MCM8: variants seen among roughly 807,000 people sequenced by gnomAD.
MCM8 encodes the protein minichromosome maintenance 8 homologous recombination repair factor.
In MCM8, 85 loss-of-function variants were observed where a neutral mutation model predicts 98.9. The observed-to-expected ratio is 0.86, with a 90% CI of 0.72 to 1.03. The LOEUF is 1.03. MCM8 is among the 50% of genes least tolerant of loss of function. The probability of loss-of-function intolerance (pLI) is 0.00; values close to 1 mark genes in which losing one functional copy is unlikely to be tolerated. For missense variants in MCM8, 951 were observed against 997.8 expected, an observed-to-expected ratio of 0.95 and a Z score of 0.63; for synonymous variants, 352 against 338.6, an observed-to-expected ratio of 1.04 and a Z score of -0.44.
intron 12 of MCM8, among the ~76,000 whole-genome samples, chr20:5,973,716 A>G (rs2089452289): frequency 6.6e-6 from 1 of 151,396 alleles, no homozygotes; most frequent in African/African-American, 2.5e-5. Flanking sequence ...GTGCAGTGGC[A>G]TGATCTGGGC....
intron 13 of MCM8, among the ~76,000 whole-genome samples, chr20:5,978,843 C>T (rs967597197): frequency 5.3e-5 from 8 of 152,218 alleles, no homozygotes; most frequent in Admixed American, 5.2e-4. Flanking sequence ...AGGCTACAGG[C>T]GTGAGCCACC....
chr20:5,993,394 T>G, intron 17 of MCM8, 112 bp from the exon 18 acceptor site: 1 of 679,410 alleles, frequency 1.5e-6, no homozygotes, highest in Non-Finnish European at 2.3e-6. Flanking sequence ...AAATGTTTGC[T>G]AAGTGAGCCT....
In MCM8 at chr20:5,958,682, C is replaced by T; in HGVS notation, c.745C>T (p.Gln249Ter). Residue 249 changes from glutamine to a stop codon, truncating the protein, a stop_gained, in exon 7 of 19, where the codon CAG (glutamine) becomes TAG (stop). Coordinates refer to ENST00000610722, the MANE Select transcript of MCM8 (RefSeq NM_032485.6). LOFTEE classifies it high-confidence loss of function. ...AFLCAACGEIQSFPLPDGKYS... is the reference protein window; with the variant it reads ...AFLCAACGEI ...TCTTTGTGCTGCATGTGGAGAAATT[C>T]AGAGCTTTCCTCTTCCAGATGGAAA... 6.2e-7 allele frequency: 1 copy of T among 1,614,130 alleles called. No homozygotes were observed. The highest frequency in any genetic ancestry group is 8.5e-7 in the Non-Finnish European group (1 of 1,180,002).
chr20:5,972,193 C>CTT (rs57845201), intron 11 of MCM8, among the ~76,000 whole-genome samples, 156 bp downstream of exon 11: 1 of 144,334 alleles, frequency 6.9e-6, no homozygotes, highest in Non-Finnish European at 1.5e-5. Context: ...CAAACTATAG[C>CTT]TTTTTTTTTT....
At chr20:5,960,065 A>G (rs569271394) in intron 7 of MCM8, among the ~76,000 whole-genome samples, 19 of 152,186 alleles carry the variant, frequency 1.2e-4, no homozygotes, top group Non-Finnish European at 2.4e-4. Flanking sequence ...AGTGTTAAGT[A>G]GTTACCATTT....
At chr20:5,989,754 G>A (rs1013260826) in intron 17 of MCM8, among the ~76,000 whole-genome samples, 2 of 152,016 alleles carry the variant, frequency 1.3e-5, no homozygotes, top group Admixed American at 6.5e-5. Context: ...GGGTAGAAGG[G>A]CACCCATGTC....
intron 11 of MCM8, chr20:5,972,541 A>G: frequency 3.1e-6 from 1 of 323,828 alleles, no homozygotes; most frequent in Non-Finnish European, 6.0e-6. Context: ...AGTAAATATG[A>G]ATGGGCTTTT....
At chr20:5,992,797 T>G (rs985477449) in intron 17 of MCM8, among the ~76,000 whole-genome samples, 13 of 152,216 alleles carry the variant, frequency 8.5e-5, no homozygotes, top group Non-Finnish European at 1.9e-4. Flanking sequence ...ACTAATTAAT[T>G]AATTCCTGAT....
chr20:5,953,137 A>G (rs1006918398), intron 3 of MCM8, among the ~76,000 whole-genome samples: 1 of 152,244 alleles, frequency 6.6e-6, no homozygotes, highest in Admixed American at 6.5e-5. Flanking sequence ...GGAAACAAGA[A>G]TAAATTCCTT....
intron 17 of MCM8, among the ~76,000 whole-genome samples, chr20:5,989,188 C>T (rs1360597673): frequency 1.4e-5 from 2 of 138,666 alleles, no homozygotes; most frequent in Admixed American, 1.5e-4. Context: ...GTGATATTGG[C>T]TCACTGCAGC....
rs560070577 is a variant in MCM8 at position 5,996,629 on chromosome 20, G to A, written c.*2238G>A. The A allele has an allele frequency of 4.8e-4, 73 of 152,260 alleles. No individual in the cohort carries two copies. The highest frequency in any genetic ancestry group is 1.6e-3 in the African/African-American group (66 of 41,546). The allele number at this position is 152,260 out of a possible 1,614,324, so 9.4% of individuals were successfully genotyped here. A position where few individuals can be genotyped will look rare whatever the true frequency, so the allele number is the denominator to read the frequency against. On this transcript the variant is annotated 3_prime_UTR_variant, in exon 19 of 19. Transcript: ENST00000610722. ...AACCAAAATAAAGTGGTAGACAGAA[G>A]AGAAAATATACTAATTTATTGTTCA...
At chr20:5,959,142 T>C (rs1177279397) in intron 7 of MCM8, among the ~76,000 whole-genome samples, 3 of 152,196 alleles carry the variant, frequency 2.0e-5, no homozygotes, top group African/African-American at 7.2e-5. Flanking sequence ...GTGATGGGTT[T>C]TTTAAATCTT....
In MCM8 at chr20:5,985,959, A is replaced by G. The variant is rs1600302716; in HGVS notation, c.1991A>G (p.Gln664Arg). ...PGETIDPIPH[Q>R]LLRKYIGYAR... ...GAAACAATAGATCCCATTCCCCACC[A>G]GCTATTGAGAAAGTACATTGGCTAT... Residue 664 changes from glutamine to arginine, a missense_variant, in exon 16 of 19, where the codon CAG becomes CGG. By Grantham distance (43) the Gln-to-Arg change is conservative. Transcript: ENST00000610722. 1 of 1,614,250 alleles carries G rather than the reference A, an allele frequency of 6.2e-7. No individual in the cohort carries two copies. Among genetic ancestry groups the G allele is most frequent in the Non-Finnish European group, 8.5e-7 (1 of 1,180,030 alleles).
chr20:5,972,937 T>TA, intron 11 of MCM8, 119 bp from the exon 12 acceptor site: 1 of 1,371,446 alleles, frequency 7.3e-7, no homozygotes, highest in Non-Finnish European at 9.7e-7. Context: ...AGAAAAAAAT[T>TA]ATCATGCTTT....
Position 5,963,267 on chromosome 20 carries a change from C to G in MCM8, c.790-7C>G. ...ATCTGAATGTGAATTACTTTTGTTT[C>G]ATTCAGTGTCCTGTGCCTGTGTGTC... On this transcript the variant is annotated splice_polypyrimidine_tract_variant and splice_region_variant and intron_variant, in intron 7 of 18. Coordinates refer to ENST00000610722, the MANE Select transcript of MCM8 (RefSeq NM_032485.6). 1 of 1,608,546 alleles carries G rather than the reference C, an allele frequency of 6.2e-7. No homozygotes were observed.
intron 7 of MCM8, among the ~76,000 whole-genome samples, chr20:5,962,393 A>G (rs1381712593): frequency 2.9e-5 from 2 of 68,462 alleles, no homozygotes; most frequent in African/African-American, 2.5e-4. Flanking sequence ...TTTGAGACGG[A>G]GTCTCGCTCT....
intron 3 of MCM8, among the ~76,000 whole-genome samples, chr20:5,952,735 A>G (rs1279218060): frequency 6.6e-6 from 1 of 152,236 alleles, no homozygotes; most frequent in Non-Finnish European, 1.5e-5. Flanking sequence ...TAGGTATTTC[A>G]AAAAGGGGAC....
chr20:5,993,643 A>G lies in MCM8; in HGVS notation c.2378A>G (p.Asn793Ser). ...LNNVAERTYNNIFQFHQLRQI... is the reference protein window; with the variant it reads ...LNNVAERTYNSIFQFHQLRQI... ...AACGTTGCTGAAAGAACTTATAATAATATATTTCAATTTCATCAACTTCGG... is the reference window on the plus strand; with the variant it reads ...AACGTTGCTGAAAGAACTTATAATAGTATATTTCAATTTCATCAACTTCGG... Residue 793 changes from asparagine to serine, a missense_variant, in exon 18 of 19, where the codon AAT (asparagine) becomes AGT (serine). By Grantham distance (46) the Asn-to-Ser change is conservative (BLOSUM62 1). Coordinates refer to ENST00000610722, the MANE Select transcript of MCM8 (RefSeq NM_032485.6). 6.2e-7 allele frequency: 1 copy of G among 1,610,566 alleles called. No homozygotes were observed. Among genetic ancestry groups the G allele is most frequent in the Non-Finnish European group, 8.5e-7 (1 of 1,177,832 alleles).
At position 5,967,974 on chromosome 20, in the gene MCM8, A is replaced by G; in HGVS notation, c.1172A>G (p.Tyr391Cys). The G allele has an allele frequency of 6.2e-7, 1 of 1,613,882 alleles. No homozygotes were observed. The highest frequency in any genetic ancestry group is 8.5e-7 in the Non-Finnish European group (1 of 1,179,936). Residue 391 changes from tyrosine (Y) to cysteine (C), a missense_variant, in exon 10 of 19, where the codon TAT (tyrosine) becomes TGT (cysteine). By Grantham distance (194) the Tyr-to-Cys change is radical. Coordinates refer to ENST00000610722, the MANE Select transcript of MCM8 (RefSeq NM_032485.6). The stretch of plus-strand genomic sequence containing the variant: ...ATGGAGTTCTCACTTAAAGACCTTT[A>G]TGCCATCCAAGAGATTCAAGCTGAA... ...MLMEFSLKDL[Y>C]AIQEIQAEEN...
Sources: allele counts gnomAD v4.1 joint callset (sites outside exome capture counted in the v4.1 genomes callset), GRCh38; gene constraint gnomAD v4.1.1; transcripts MANE v1.5; gene names NCBI Gene and HGNC (gene_info 2026-07-23, HGNC 2026-07-21).